Variants in ANKDD1A observed in about 807,000 individuals in gnomAD.
ANKDD1A encodes the protein ankyrin repeat and death domain-containing protein 1A.
Under a neutral mutation model 63.5 loss-of-function variants are expected in ANKDD1A, and 59 were observed. The observed-to-expected ratio is 0.93, with a 90% CI of 0.75 to 1.15. ANKDD1A has a LOEUF of 1.15. Ranked by LOEUF, ANKDD1A falls within the 50% of genes most tolerant of loss-of-function variation. The pLI, the probability that ANKDD1A is intolerant of heterozygous loss-of-function variation, is 0.00. For synonymous variants in ANKDD1A, 266 were observed against 263.9 expected (o/e 1.01, Z -0.08); for missense variants, 632 against 656.4 (o/e 0.96, Z 0.41).
intron 6 of ANKDD1A, among the ~76,000 whole-genome samples, chr15:64,929,454 G>A (rs933881466): frequency 1.1e-4 from 16 of 152,220 alleles, no homozygotes; most frequent in African/African-American, 3.4e-4. Flanking sequence ...CAGGTGTGAG[G>A]TACCATGCCC....
At chr15:64,942,672 CTT>C (rs3057944) in intron 10 of ANKDD1A, 107 bp downstream of exon 10, 63,720 of 466,908 alleles carry the variant, frequency 0.14, 55 homozygotes, top group East Asian at 0.23. Context: ...TGAGGAATCA[CTT>C]TTTTTTTTTT....
At chr15:64,934,442 T>C (rs2085111608) in intron 9 of ANKDD1A, among the ~76,000 whole-genome samples, 1 of 151,894 alleles carries the variant, frequency 6.6e-6, no homozygotes, top group South Asian at 2.1e-4. Context: ...TCCTCTGAAC[T>C]GAATTATTAG....
rs1245953898 is a variant in ANKDD1A, at chr15:64,951,222, C to G, written c.1483+1250C>G. Reference sequence around the variant, plus strand: ...GAGGATGGGTCCAAGGGCCTGTAATCCCGTCCAACAGGTATGGTCCTTTTG... The same window carrying G: ...GAGGATGGGTCCAAGGGCCTGTAATGCCGTCCAACAGGTATGGTCCTTTTG... On this transcript the variant is annotated intron_variant, in intron 14 of 14. Transcript: ENST00000319580. 6.0e-6 allele frequency: 6 copies of G among 992,548 alleles called. No individual in the cohort carries two copies. In the African/African-American group the frequency reaches 1.0e-4, roughly 17 times the overall value. 61.5% of individuals were successfully genotyped at this position (992,548 alleles called of 1,614,324 possible).
chr15:64,923,324 C>T (rs962807252), intron 4 of ANKDD1A, among the ~76,000 whole-genome samples: 2 of 152,162 alleles, frequency 1.3e-5, no homozygotes, highest in Admixed American at 6.6e-5. Flanking sequence ...AGAAACACAG[C>T]ATTGCCAACC....
At chr15:64,922,181 C>T (rs1269308570) in intron 4 of ANKDD1A, 162 bp downstream of exon 4, 5 of 607,426 alleles carry the variant, frequency 8.2e-6, no homozygotes, top group Middle Eastern at 4.5e-4. Context: ...CTTTACTATT[C>T]GGTGAGTTGG....
At chr15:64,955,160 TCTC>T (rs57323211) in intron 14 of ANKDD1A, among the ~76,000 whole-genome samples, 3,015 of 152,116 alleles carry the variant, frequency 0.02, 46 homozygotes, top group Admixed American at 0.029. Context: ...TTCACGCCAT[TCTC>T]CTGCCTCAGC....
intron 14 of ANKDD1A, among the ~76,000 whole-genome samples, chr15:64,954,899 T>C (rs28479559): frequency 1.5e-5 from 2 of 136,836 alleles, no homozygotes; most frequent in African/African-American, 5.3e-5. Flanking sequence ...CCTTCTTCCT[T>C]CTTCTCTTGT....
chr15:64,912,128 C>G (rs897303326), intron 1 of ANKDD1A, among the ~76,000 whole-genome samples, 164 bp downstream of exon 1: 1 of 152,230 alleles, frequency 6.6e-6, no homozygotes, highest in Admixed American at 6.5e-5. Flanking sequence ...CGCACTGGGC[C>G]GAGGGGACCT....
rs777103075 is a variant in ANKDD1A at position 64,926,073 on chromosome 15, TG to T, written c.375del (p.Thr126ProfsTer18). ...TCCTGCACTTGTTTCCAGGATGGCC[TG>T]ACCTTACTGCACTGCGCAGCCCAAA... ...AKIHCESKDG[L>X]TLLHCAAQKG... is the part of the protein sequence containing the mutation. On this transcript the variant is annotated frameshift_variant, in exon 5 of 15. Coordinates refer to ENST00000319580, the MANE Select transcript of ANKDD1A (RefSeq NM_182703.6). LOFTEE classifies it high-confidence loss of function. 3.1e-6 allele frequency: 5 copies of T among 1,613,196 alleles called. No individual in the cohort carries two copies. The highest frequency in any genetic ancestry group is 4.2e-6 in the Non-Finnish European group (5 of 1,179,716).
chr15:64,928,926 A>G (rs775732963), intron 6 of ANKDD1A, among the ~76,000 whole-genome samples: 11 of 152,180 alleles, frequency 7.2e-5, no homozygotes, highest in Non-Finnish European at 1.5e-4. Context: ...ACCCAGAAGG[A>G]AGAAGAAAGC....
intron 12 of ANKDD1A, among the ~76,000 whole-genome samples, chr15:64,946,335 A>G (rs1252990506): frequency 6.6e-6 from 1 of 152,098 alleles, no homozygotes; most frequent in Non-Finnish European, 1.5e-5. Context: ...TCCCTTTCAA[A>G]TAAAAATCAC....
Sources: gnomAD v4.1 joint callset for allele counts (sites outside exome capture counted in the v4.1 genomes callset) on GRCh38, gnomAD v4.1.1 for gene constraint, MANE v1.5 for transcripts, NCBI Gene and HGNC (gene_info 2026-07-23, HGNC 2026-07-21) for gene names.